ZNF280D: variants seen among roughly 807,000 people sequenced by gnomAD.
ZNF280D encodes the protein suppressor of hairy wing homolog 4.
ZNF280D carries 39 observed loss-of-function variants against 94.7 expected under a neutral mutation model. That is an observed-to-expected ratio of 0.41 (90% CI 0.32 to 0.54). ZNF280D has a LOEUF of 0.54. ZNF280D is among the 20% of genes least tolerant of loss of function. The pLI is 0.22. For synonymous variants in ZNF280D, 398 were observed against 377.6 expected (o/e 1.05, Z -0.63); for missense variants, 1,090 against 1,149.3 (o/e 0.95, Z 0.75).
At chr15:56,688,883 T>C in intron 9 of ZNF280D, 158 bp downstream of exon 9, 2 of 447,318 alleles carry the variant, frequency 4.5e-6, no homozygotes, top group South Asian at 1.3e-4. Context: ...TTAGAAGGAA[T>C]TTGAGAATCT....
At chr15:56,711,392 T>C (rs2057750479) in intron 1 of ZNF280D, among the ~76,000 whole-genome samples, 2 of 152,226 alleles carry the variant, frequency 1.3e-5, no homozygotes, top group Middle Eastern at 3.4e-3. Flanking sequence ...AGGCCAGGCA[T>C]GGTGGCTCAC....
intron 11 of ZNF280D, 52 bp from the exon 12 acceptor site, chr15:56,677,726 A>C: frequency 1.4e-6 from 1 of 711,154 alleles, no homozygotes; most frequent in Non-Finnish European, 2.0e-6. Flanking sequence ...TAATATAAAA[A>C]TTAATTTTAT....
At chr15:56,711,187 C>T (rs112366731) in intron 1 of ZNF280D, among the ~76,000 whole-genome samples, 126 of 152,140 alleles carry the variant, frequency 8.3e-4, no homozygotes, top group Non-Finnish European at 1.6e-3. Flanking sequence ...TAGTGCCTTG[C>T]TTTACTGCTT....
At chr15:56,698,959 G>T (rs575552403) in intron 6 of ZNF280D, 1 of 152,274 alleles carries the variant, frequency 6.6e-6, no homozygotes, top group Non-Finnish European at 1.5e-5. Context: ...GCAGCCTTGT[G>T]AGATCCTTAA....
chr15:56,709,668 A>G (rs1303032406), intron 1 of ZNF280D, among the ~76,000 whole-genome samples: 2 of 152,230 alleles, frequency 1.3e-5, no homozygotes, highest in Non-Finnish European at 1.5e-5. Context: ...ACCATGGAAT[A>G]CTATGCAGCC....
intron 1 of ZNF280D, among the ~76,000 whole-genome samples, chr15:56,728,506 A>G (rs1458814222): frequency 6.6e-6 from 1 of 152,232 alleles, no homozygotes; most frequent in Non-Finnish European, 1.5e-5. Context: ...GTCTTCAACA[A>G]AATTATGAAC....
At chr15:56,657,847 A>ATTG in intron 17 of ZNF280D, among the ~76,000 whole-genome samples, 1 of 152,272 alleles carries the variant, frequency 6.6e-6, no homozygotes, top group East Asian at 1.9e-4. Flanking sequence ...GTTATCAAAC[A>ATTG]GACCAGCAAT....
At position 56,654,225 on chromosome 15, in the gene ZNF280D, C is replaced by G. The variant is rs367658378; in HGVS notation, c.2186G>C (p.Cys729Ser). 5.0e-6 allele frequency: 8 copies of G among 1,610,192 alleles called. No homozygotes were observed. In the African/African-American group the frequency reaches 1.1e-4, roughly 22 times the overall value. Reference protein sequence around the residue: ...CQVVMQKVSVCIPTSEHLSEL... With the variant: ...CQVVMQKVSVSIPTSEHLSEL... ...AGAAAGGTGCTCAGAAGTTGGGATA[C>G]AAACAGAAACTGAAATTAGAAGAAA... The change falls in exon 19 of 22, where the codon TGT (cysteine) becomes TCT (serine). Residue 729 changes from cysteine (C) to serine (S), a missense_variant. By Grantham distance (112) the Cys-to-Ser change is moderately radical (BLOSUM62 -1). Coordinates refer to ENST00000267807, the MANE Select transcript of ZNF280D (RefSeq NM_017661.4).
Position 56,676,658 on chromosome 15 carries a change from G to C in ZNF280D, c.1410+12C>G. On this transcript the variant is annotated intron_variant, in intron 13 of 21. Transcript: ENST00000267807. ...ACAACATAATAAACAAATAAGAACTGGTAAATCTCACCTGATGCTTCATAT... is the reference window on the plus strand; with the variant it reads ...ACAACATAATAAACAAATAAGAACTCGTAAATCTCACCTGATGCTTCATAT... The C allele has an allele frequency of 6.3e-7, 1 of 1,587,974 alleles. No homozygotes were observed. Among genetic ancestry groups the C allele is most frequent in the Non-Finnish European group, 8.5e-7 (1 of 1,170,008 alleles).
chr15:56,706,636 T>C (rs367899434), intron 3 of ZNF280D, among the ~76,000 whole-genome samples: 11 of 152,234 alleles, frequency 7.2e-5, no homozygotes, highest in Admixed American at 1.3e-4. Flanking sequence ...AAAATGTCCA[T>C]TGTGTAAGCC....
At chr15:56,667,266 G>A (rs1267104385) in intron 14 of ZNF280D, among the ~76,000 whole-genome samples, 4 of 152,082 alleles carry the variant, frequency 2.6e-5, no homozygotes, top group African/African-American at 9.7e-5. Context: ...AATATACAAA[G>A]AGCACATTCC....
At position 56,659,951 on chromosome 15, in the gene ZNF280D, C is replaced by T. The variant is rs2053823063; in HGVS notation, c.1995-1465G>A. On this transcript the variant is annotated intron_variant, in intron 16 of 21. Coordinates refer to ENST00000267807, the MANE Select transcript of ZNF280D (RefSeq NM_017661.4). ...ACATATATTCCTACCCAACTATCTGCAGCTTTCCTTCATGCAATCACAGAC... is the reference window on the plus strand; with the variant it reads ...ACATATATTCCTACCCAACTATCTGTAGCTTTCCTTCATGCAATCACAGAC... 2.0e-5 allele frequency among the ~76,000 whole-genome samples: 3 copies of T among 151,894 alleles called. No individual in the cohort carries two copies. The South Asian group carries it at 6.2e-4, about 31-fold the overall frequency.
At chr15:56,705,429 C>G (rs745379738) in intron 3 of ZNF280D, among the ~76,000 whole-genome samples, 2 of 152,158 alleles carry the variant, frequency 1.3e-5, no homozygotes, top group African/African-American at 2.4e-5. Context: ...GCAAAGAGAG[C>G]AGAGAGCTGA....
At chr15:56,650,160 C>T (rs1020855370) in intron 19 of ZNF280D, among the ~76,000 whole-genome samples, 5 of 151,900 alleles carry the variant, frequency 3.3e-5, no homozygotes, top group Admixed American at 1.3e-4. Context: ...TTCATGTTTC[C>T]AACACCTGAC....
rs111852904 is a variant in ZNF280D, at chr15:56,681,191, T to G, written c.1004+1063A>C. 1.1e-4 allele frequency among the ~76,000 whole-genome samples: 16 copies of G among 152,342 alleles called. 1 individual carries two copies. The highest frequency in any genetic ancestry group is 3.8e-4 in the African/African-American group (16 of 41,574). On this transcript the variant is annotated intron_variant, in intron 10 of 21. Coordinates refer to ENST00000267807, the MANE Select transcript of ZNF280D (RefSeq NM_017661.4). ...ATATCACAGTGTATTTCAGGATTTTTATGTATGCTTCTTTTTGGACCCAAG... is the reference window on the plus strand; with the variant it reads ...ATATCACAGTGTATTTCAGGATTTTGATGTATGCTTCTTTTTGGACCCAAG...
At position 56,666,531 on chromosome 15, in the gene ZNF280D, G is replaced by A. The variant is rs1257887757; in HGVS notation, c.1858C>T (p.Arg620Cys). 2 of 1,589,514 alleles carry A rather than the reference G, an allele frequency of 1.3e-6. No homozygotes were observed. The highest frequency in any genetic ancestry group is 2.3e-5 in the East Asian group (1 of 44,154). Residue 620 changes from arginine (R) to cysteine (C), a missense_variant, in exon 16 of 22, where the codon CGT becomes TGT. By Grantham distance (180) the Arg-to-Cys change is radical. Around this residue, in one of 3 missense-constraint regions of ZNF280D, gnomAD observed 577 missense variants for 568.8 expected, o/e 1.01. Coordinates refer to ENST00000267807, the MANE Select transcript of ZNF280D (RefSeq NM_017661.4). ...VNTALRNLRY[R>C]RGIHKCIECC... ...TCAATGCATTTGTGAATGCCCCGAC[G>A]ATACCTTAGGGAGACATTAAAAAAA...
At chr15:56,728,168 C>T (rs895466154) in intron 1 of ZNF280D, among the ~76,000 whole-genome samples, 78 of 152,244 alleles carry the variant, frequency 5.1e-4, no homozygotes, top group African/African-American at 1.8e-3. Flanking sequence ...GGACCACAGG[C>T]ACATGCCACT....
At chr15:56,686,970 A>G (rs1369498262) in intron 9 of ZNF280D, among the ~76,000 whole-genome samples, 1 of 151,672 alleles carries the variant, frequency 6.6e-6, no homozygotes, top group Non-Finnish European at 1.5e-5. Context: ...TTTTCCATTG[A>G]AAGAAAACAT....
chr15:56,651,154 C>G (rs1432894962), intron 19 of ZNF280D, among the ~76,000 whole-genome samples: 1 of 152,124 alleles, frequency 6.6e-6, no homozygotes, highest in Non-Finnish European at 1.5e-5. Context: ...TGAATAAATA[C>G]ATGATGCCCA....
Sources: gnomAD v4.1 joint callset for allele counts (sites outside exome capture counted in the v4.1 genomes callset) on GRCh38, gnomAD v4.1.1 for gene constraint, gnomAD v4.1.1 regional missense constraint, MANE v1.5 for transcripts, NCBI Gene and HGNC (gene_info 2026-07-23, HGNC 2026-07-21) for gene names.